The following NRXN1 variants were observed in gnomAD, a reference collection of about 807,000 sequenced individuals.
The protein encoded by NRXN1 is neurexin 1.
NRXN1 carries 39 observed loss-of-function variants against 150.9 expected under a neutral mutation model. The observed-to-expected ratio is 0.26, with a 90% CI of 0.20 to 0.34. The LOEUF (loss-of-function observed/expected upper bound fraction) is 0.34. Among genes scored for constraint, NRXN1 ranks in the 10% least tolerant of loss-of-function variants. The pLI is 1.00. For missense variants in NRXN1, 1,815 were observed against 1,949.9 expected (o/e 0.93, Z 1.30); for synonymous variants, 924 against 757.0 (o/e 1.22, Z -3.62).
chr2:50,658,120 A>G (rs993723396), intron 5 of NRXN1, among the ~76,000 whole-genome samples: 2 of 152,016 alleles, frequency 1.3e-5, no homozygotes, highest in African/African-American at 2.4e-5. Context: ...GTTTAGTTCA[A>G]TGTGAAAGTG....
At chr2:50,920,941 C>T (rs1177454937) in intron 5 of NRXN1, among the ~76,000 whole-genome samples, 3 of 151,712 alleles carry the variant, frequency 2.0e-5, no homozygotes, top group Middle Eastern at 3.4e-3. Context: ...AAAAGTTTTC[C>T]TGCTAGATGA....
intron 5 of NRXN1, among the ~76,000 whole-genome samples, chr2:50,718,089 C>G (rs1696098570): frequency 6.6e-6 from 1 of 152,152 alleles, no homozygotes; most frequent in Admixed American, 6.5e-5. Context: ...TCCATAACGT[C>G]AGCAATTACC....
chr2:50,219,432 G>C (rs1327316811), intron 18 of NRXN1, among the ~76,000 whole-genome samples: 3 of 151,122 alleles, frequency 2.0e-5, no homozygotes, highest in Non-Finnish European at 2.9e-5. Flanking sequence ...CTCAAGTCTA[G>C]TTGATAAAAA....
chr2:50,501,931 G>C (rs973338939), intron 13 of NRXN1, among the ~76,000 whole-genome samples: 11 of 152,178 alleles, frequency 7.2e-5, no homozygotes, highest in African/African-American at 2.7e-4. Context: ...GTAGGACTTT[G>C]CATGAAGAGT....
chr2:50,912,426 T>C (rs1029209865), intron 5 of NRXN1, among the ~76,000 whole-genome samples: 4 of 151,974 alleles, frequency 2.6e-5, no homozygotes, highest in Admixed American at 6.6e-5. Flanking sequence ...TTGCCAAAGA[T>C]AAATCTCTCA....
chr2:50,635,549 C>T (rs1683113241), intron 5 of NRXN1, among the ~76,000 whole-genome samples: 1 of 152,120 alleles, frequency 6.6e-6, no homozygotes, highest in South Asian at 2.1e-4. Flanking sequence ...TAGGGCAGGC[C>T]AGCAAGTCTG....
intron 21 of NRXN1, among the ~76,000 whole-genome samples, chr2:49,948,699 G>A (rs1007682497): frequency 6.6e-6 from 1 of 151,950 alleles, no homozygotes; most frequent in Admixed American, 6.6e-5. Flanking sequence ...CACTGTGTTT[G>A]GAGCTGCTGC....
chr2:50,663,874 T>C (rs112627784), intron 5 of NRXN1, among the ~76,000 whole-genome samples: 17 of 152,178 alleles, frequency 1.1e-4, no homozygotes, highest in African/African-American at 3.6e-4. Context: ...CTTTAACTTT[T>C]CTTATTTTAG....
intron 5 of NRXN1, among the ~76,000 whole-genome samples, chr2:50,869,251 T>C (rs1328596274): frequency 1.3e-5 from 2 of 151,768 alleles, no homozygotes; most frequent in African/African-American, 4.8e-5. Flanking sequence ...AACCAATTCA[T>C]TGGAATTCTC....
At chr2:50,877,560 C>T (rs1326915756) in intron 5 of NRXN1, among the ~76,000 whole-genome samples, 1 of 151,918 alleles carries the variant, frequency 6.6e-6, no homozygotes, top group Non-Finnish European at 1.5e-5. Flanking sequence ...TACAATTGAA[C>T]ACTAAGTTAT....
chr2:50,718,546 G>A (rs1426863114), intron 5 of NRXN1, among the ~76,000 whole-genome samples: 2 of 152,120 alleles, frequency 1.3e-5, no homozygotes, highest in Admixed American at 1.3e-4. Context: ...TTTTACTAAT[G>A]TACTCAAGTT....
At chr2:50,329,294 C>T (rs1271263857) in intron 17 of NRXN1, among the ~76,000 whole-genome samples, 2 of 151,854 alleles carry the variant, frequency 1.3e-5, no homozygotes, top group Non-Finnish European at 2.9e-5. Context: ...GGCAAATCCA[C>T]ATGTGAAGAT....
intron 18 of NRXN1, among the ~76,000 whole-genome samples, chr2:50,153,506 G>C (rs981276173): frequency 1.3e-5 from 2 of 151,228 alleles, no homozygotes; most frequent in Non-Finnish European, 1.5e-5. Context: ...TTTCATTTTT[G>C]TTCTTTTGGG....
chr2:50,489,807 C>T (rs1014737001), intron 15 of NRXN1, among the ~76,000 whole-genome samples: 1 of 152,306 alleles, frequency 6.6e-6, no homozygotes, highest in African/African-American at 2.4e-5. Context: ...TGCTGAAATA[C>T]TGTGAGCTGG....
At chr2:50,875,304 T>C (rs1298466480) in intron 5 of NRXN1, among the ~76,000 whole-genome samples, 3 of 151,854 alleles carry the variant, frequency 2.0e-5, no homozygotes, top group Middle Eastern at 6.9e-3. Context: ...TTGTATATCT[T>C]AAATATAAAT....
chr2:50,389,381 A>G (rs1453596544), intron 17 of NRXN1, among the ~76,000 whole-genome samples: 2 of 151,144 alleles, frequency 1.3e-5, no homozygotes, highest in Admixed American at 6.6e-5. Flanking sequence ...AAGTTAGACA[A>G]TAAGTTCTGA....
intron 2 of NRXN1, among the ~76,000 whole-genome samples, chr2:50,998,531 T>C (rs1699618182): frequency 6.6e-6 from 1 of 152,022 alleles, no homozygotes. Context: ...TTGATTCTAT[T>C]AGGTCTTCAA....
intron 21 of NRXN1, among the ~76,000 whole-genome samples, chr2:49,975,622 G>GT (rs577754515): frequency 1.3e-5 from 2 of 151,940 alleles, no homozygotes; most frequent in Non-Finnish European, 2.9e-5. Context: ...GTTGTCATGT[G>GT]TTTTTTTCTA....
intron 16 of NRXN1, among the ~76,000 whole-genome samples, chr2:50,471,910 A>T (rs1031887148): frequency 2.6e-5 from 4 of 152,030 alleles, no homozygotes; most frequent in Non-Finnish European, 2.9e-5. Flanking sequence ...GTAGATTTTT[A>T]AAAAATGGGC....
Sources: allele counts gnomAD v4.1 joint callset (sites outside exome capture counted in the v4.1 genomes callset), GRCh38; gene constraint gnomAD v4.1.1; transcripts MANE v1.5; gene names NCBI Gene and HGNC (gene_info 2026-07-23, HGNC 2026-07-21).